The following ZNF385D variants were observed in gnomAD, a reference collection of about 807,000 sequenced individuals.
ZNF385D encodes the protein zinc finger protein 659.
In ZNF385D, 15 loss-of-function variants were observed where a neutral mutation model predicts 35.8. That is an observed-to-expected ratio of 0.42 (90% CI 0.28 to 0.64). The LOEUF (loss-of-function observed/expected upper bound fraction) is 0.64, where lower values mean the gene tolerates loss of function less well. Ranked by LOEUF, ZNF385D falls within the 30% of genes least tolerant of loss-of-function variation. The probability of loss-of-function intolerance (pLI) is 0.23; values close to 1 mark genes in which losing one functional copy is unlikely to be tolerated. For missense variants in ZNF385D, 474 were observed against 494.6 expected (o/e 0.96, Z 0.39); for synonymous variants, 212 against 186.8 (o/e 1.13, Z -1.10).
chr3:21,432,953 G>A (rs1559442928), intron 5 of ZNF385D, among the ~76,000 whole-genome samples: 2 of 149,224 alleles, frequency 1.3e-5, no homozygotes, highest in Non-Finnish European at 3.0e-5. Context: ...AATGCCAGGA[G>A]CAGCTGTGGT....
intron 4 of ZNF385D, among the ~76,000 whole-genome samples, chr3:21,454,645 C>CA (rs1280889821): frequency 6.6e-6 from 1 of 152,150 alleles, no homozygotes; most frequent in East Asian, 1.9e-4. Context: ...ACTGAATGGG[C>CA]AAAACTGGAA....
In ZNF385D at chr3:21,471,143, G is replaced by A. The variant is rs1037188853; in HGVS notation, c.440-33940C>T. On this transcript the variant is annotated intron_variant, in intron 4 of 7. Transcript: ENST00000281523. ...AGATCAGACACATATGTCATAGCCG[G>A]CGTTATGCCCAAATTATCTTGAGTT... Among the ~76,000 whole-genome samples, 16 of 152,064 alleles carry A rather than the reference G, an allele frequency of 1.1e-4. 1 individual carries two copies. The highest frequency in any genetic ancestry group is 2.4e-4 in the Non-Finnish European group (16 of 68,014).
At chr3:21,713,191 C>T (rs1017629619) in intron 1 of ZNF385D, among the ~76,000 whole-genome samples, 16 of 152,160 alleles carry the variant, frequency 1.1e-4, no homozygotes, top group African/African-American at 3.9e-4. Context: ...TGCTCACCAA[C>T]CTCAAAGGAA....
intron 4 of ZNF385D, among the ~76,000 whole-genome samples, chr3:21,475,476 T>A (rs938612705): frequency 4.5e-4 from 68 of 152,270 alleles, no homozygotes; most frequent in African/African-American, 1.3e-3. Flanking sequence ...ATATACATTT[T>A]AAAATTTTTC....
intron 3 of ZNF385D, among the ~76,000 whole-genome samples, chr3:21,938,657 T>C (rs549078686): frequency 1.3e-5 from 2 of 152,322 alleles, no homozygotes; most frequent in East Asian, 3.9e-4. Context: ...GTCACACTGC[T>C]CATTGCTGTT....
At chr3:21,507,120 A>G (rs1001728469) in intron 4 of ZNF385D, among the ~76,000 whole-genome samples, 11 of 152,198 alleles carry the variant, frequency 7.2e-5, no homozygotes, top group African/African-American at 1.9e-4. Context: ...GGAATTATCA[A>G]TCAAAATTGT....
intron 3 of ZNF385D, chr3:21,562,139 A>G (rs1223791622): frequency 2.6e-5 from 4 of 152,288 alleles, no homozygotes; most frequent in African/African-American, 9.6e-5. Flanking sequence ...TGTCCCTAAT[A>G]AATACATATT....
intron 3 of ZNF385D, among the ~76,000 whole-genome samples, chr3:21,977,750 C>T (rs1340468209): frequency 1.3e-5 from 2 of 152,000 alleles, no homozygotes; most frequent in Non-Finnish European, 1.5e-5. Flanking sequence ...GCAAGAGGAT[C>T]GCTTGAGCCC....
intron 4 of ZNF385D, among the ~76,000 whole-genome samples, chr3:21,471,938 C>T (rs939971771): frequency 6.6e-6 from 1 of 152,004 alleles, no homozygotes; most frequent in Admixed American, 6.6e-5. Flanking sequence ...AAACAAAATG[C>T]TATGTTTGCT....
intron 2 of ZNF385D, among the ~76,000 whole-genome samples, chr3:21,615,146 C>T (rs555306818): frequency 8.5e-4 from 130 of 152,270 alleles, no homozygotes; most frequent in Non-Finnish European, 1.5e-3. Context: ...TTGGTTGTGG[C>T]GGTGAATGCT....
intron 4 of ZNF385D, among the ~76,000 whole-genome samples, chr3:21,448,756 C>T (rs446720): frequency 0.64 from 97,502 of 151,382 alleles, 31,651 homozygotes; most frequent in African/African-American, 0.71. Context: ...CCAGAAACCA[C>T]ATAAACTAGA....
In ZNF385D at chr3:22,003,860, C is replaced by G. The variant is rs182937599; in HGVS notation, c.325+164957G>C. ...CCAGCCTGGGCAACAAAGCAAGACT[C>G]CATCCCCCCACCAAAAAAAAAAGAA... On this transcript the variant is annotated intron_variant, in intron 3 of 5. Transcript: ENST00000494108. Among the ~76,000 whole-genome samples, 275 of 145,092 alleles carry G rather than the reference C, an allele frequency of 1.9e-3. 3 individuals carry two copies. In the South Asian group the frequency reaches 0.025, roughly 13 times the overall value.
intron 3 of ZNF385D, among the ~76,000 whole-genome samples, chr3:21,770,340 C>G (rs1450559463): frequency 6.6e-6 from 1 of 152,132 alleles, no homozygotes; most frequent in Non-Finnish European, 1.5e-5. Context: ...ATCAACTCAT[C>G]TGACAAAGGG....
At chr3:22,041,035 G>A (rs1163773756) in intron 3 of ZNF385D, among the ~76,000 whole-genome samples, 1 of 151,996 alleles carries the variant, frequency 6.6e-6, no homozygotes, top group Non-Finnish European at 1.5e-5. Flanking sequence ...TAACCTAAAG[G>A]ACAACATTAA....
intron 2 of ZNF385D, among the ~76,000 whole-genome samples, chr3:21,600,199 G>GC (rs965735811): frequency 1.1e-4 from 16 of 152,300 alleles, no homozygotes; most frequent in African/African-American, 3.8e-4. Context: ...GCAACCAGCA[G>GC]CCCTCAGGGC....
chr3:22,284,853 G>A (rs1701945386), intron 2 of ZNF385D, among the ~76,000 whole-genome samples: 1 of 152,044 alleles, frequency 6.6e-6, no homozygotes, highest in Non-Finnish European at 1.5e-5. Context: ...CCTTTCTGAG[G>A]AAGTCTATTT....
intron 2 of ZNF385D, among the ~76,000 whole-genome samples, chr3:21,608,410 TA>T (rs925174368): frequency 9.2e-5 from 14 of 152,194 alleles, no homozygotes; most frequent in Non-Finnish European, 1.5e-4. Context: ...ATCAGATAAC[TA>T]AAAATGTAGA....
chr3:22,047,483 G>A (rs943484307), intron 3 of ZNF385D, among the ~76,000 whole-genome samples: 16 of 152,128 alleles, frequency 1.1e-4, no homozygotes, highest in Admixed American at 5.2e-4. Flanking sequence ...CAACATGTAC[G>A]TAAGATCATG....
At chr3:21,480,740 C>T (rs995769682) in intron 4 of ZNF385D, among the ~76,000 whole-genome samples, 24 of 152,278 alleles carry the variant, frequency 1.6e-4, no homozygotes, top group African/African-American at 4.8e-4. Flanking sequence ...TGAATATGCT[C>T]ATCTTCCAAT....
Sources: allele counts gnomAD v4.1 joint callset (sites outside exome capture counted in the v4.1 genomes callset), GRCh38; gene constraint gnomAD v4.1.1; transcripts MANE v1.5; gene names NCBI Gene and HGNC (gene_info 2026-07-23, HGNC 2026-07-21).